Variants in EMC1 observed in about 807,000 individuals in gnomAD.
EMC1 encodes the protein ER membrane protein complex subunit 1, also known as KIAA0090.
EMC1 carries 103 observed loss-of-function variants against 128.8 expected under a neutral mutation model. That is an observed-to-expected ratio of 0.80 (90% CI 0.68 to 0.94). The LOEUF is 0.94. Among genes scored for constraint, EMC1 ranks in the 40% least tolerant of loss-of-function variants. EMC1 has a pLI of 0.00. For synonymous variants in EMC1, 442 were observed against 490.4 expected (o/e 0.90, Z 1.30); for missense variants, 1,083 against 1,250.6 (o/e 0.87, Z 2.02).
rs756490055 is a variant in EMC1 at position 19,230,956 on chromosome 1, G to A, written c.1952C>T (p.Ala651Val). 3 of 1,614,068 alleles carry A rather than the reference G, an allele frequency of 1.9e-6. No homozygotes were observed. Among genetic ancestry groups the A allele is most frequent in the Non-Finnish European group, 2.5e-6 (3 of 1,180,036 alleles). Reference sequence around the variant, plus strand: ...CAAGACATTCCGAGTGGCTGGAAAAGCTGTGACCTTGAAAAACCCAGAGAG... The same window carrying A: ...CAAGACATTCCGAGTGGCTGGAAAAACTGTGACCTTGAAAAACCCAGAGAG... The part of the protein sequence containing the change: ...LLIDDEYKVT[A>V]FPATRNVLRQ... Residue 651 changes from alanine (A) to valine (V), a missense_variant, in exon 17 of 23, where the codon GCT becomes GTT. Around this residue, in one of 3 missense-constraint regions of EMC1, gnomAD observed 527 missense variants for 644.1 expected, o/e 0.82. Coordinates refer to ENST00000477853, the MANE Select transcript of EMC1 (RefSeq NM_015047.3).
chr1:19,231,227 C>A, intron 16 of EMC1, 34 bp downstream of exon 16: 1 of 1,568,442 alleles, frequency 6.4e-7, no homozygotes. Flanking sequence ...CCGGACTCCG[C>A]TAGCATGTTC....
At chr1:19,236,720 C>T (rs1188563344) in intron 12 of EMC1, among the ~76,000 whole-genome samples, 5 of 149,948 alleles carry the variant, frequency 3.3e-5, no homozygotes, top group South Asian at 2.1e-4. Context: ...GTAATCCCAG[C>T]ACTTTGGGAG....
At position 19,219,602 on chromosome 1, in the gene EMC1, G is replaced by A. The variant is rs767904848; in HGVS notation, c.2769C>T (p.Tyr923=). The change falls in exon 22 of 23, where the codon TAC becomes TAT. Residue 923 remains tyrosine, a synonymous_variant. Transcript: ENST00000477853. ...NQTVSRMRGI[Y]TAPSGLESTC... is the part of the protein sequence containing the mutation. ...TGGACTCCAGACCCGAGGGAGCTGT[G>A]TAGATACCTCGCATTCGAGAAACTG... 8 of 1,614,094 alleles carry A rather than the reference G, an allele frequency of 5.0e-6. No individual in the cohort carries two copies. Among genetic ancestry groups the A allele is most frequent in the Non-Finnish European group, 6.8e-6 (8 of 1,179,986 alleles).
At chr1:19,241,514 T>C (rs920096489) in intron 5 of EMC1, among the ~76,000 whole-genome samples, 5 of 152,034 alleles carry the variant, frequency 3.3e-5, no homozygotes, top group Admixed American at 2.0e-4. Flanking sequence ...CATAGCATTT[T>C]CTTTGTTGTG....
chr1:19,229,788 T>C (rs1325545724), intron 17 of EMC1, among the ~76,000 whole-genome samples: 2 of 152,192 alleles, frequency 1.3e-5, no homozygotes, highest in Non-Finnish European at 2.9e-5. Context: ...TTATGTGATT[T>C]ATGTGTTGAA....
intron 9 of EMC1, 122 bp from the exon 10 acceptor site, chr1:19,238,979 T>G: frequency 1.2e-6 from 1 of 800,568 alleles, no homozygotes; most frequent in East Asian, 2.4e-5. Context: ...TTCTCACCCC[T>G]GCCCACAAAG....
chr1:19,237,161 T>A lies in EMC1; in HGVS notation c.1290A>T (p.Leu430=). 6.2e-7 allele frequency: 1 copy of A among 1,613,642 alleles called. No homozygotes were observed. The change falls in exon 12 of 23, where the codon CTA becomes CTT. Residue 430 remains leucine (L), a synonymous_variant. Coordinates refer to ENST00000477853, the MANE Select transcript of EMC1 (RefSeq NM_015047.3). The stretch of plus-strand genomic sequence containing the variant: ...ACTTACCCAACTGCTGCAGGAAAAG[T>A]AGCAGATGATCCTCTGTCTGCACCA... ...RALVQTEDHL[L]LFLQQLAGKV...
intron 1 of EMC1, among the ~76,000 whole-genome samples, chr1:19,245,887 A>C (rs948287304): frequency 4.0e-5 from 6 of 151,600 alleles, no homozygotes; most frequent in African/African-American, 1.5e-4. Flanking sequence ...TCGGCCTTCC[A>C]AAGTGTTGGG....
intron 13 of EMC1, among the ~76,000 whole-genome samples, chr1:19,233,785 A>C (rs1331383294): frequency 1.3e-5 from 2 of 152,180 alleles, no homozygotes; most frequent in Admixed American, 1.3e-4. Flanking sequence ...CCAGATTAAG[A>C]TCCCAGCTTC....
rs139791356 is a variant in EMC1, at chr1:19,219,280, C to T, written c.*23G>A. ...TGACCCACACTCCCCTGGCTCTCCA[C>T]TTTTAGGCACAGTCTTTGTTCTTTA... On this transcript the variant is annotated 3_prime_UTR_variant, in exon 23 of 23. Transcript: ENST00000477853. 5.8e-4 allele frequency: 934 copies of T among 1,613,640 alleles called. 3 individuals carry two copies. The highest frequency in any genetic ancestry group is 4.6e-4 in the Non-Finnish European group (537 of 1,179,810).
chr1:19,239,114 C>T, intron 9 of EMC1, 117 bp downstream of exon 9: 1 of 955,186 alleles, frequency 1.0e-6, no homozygotes, highest in Non-Finnish European at 1.7e-6. Context: ...TCAACAGCCT[C>T]CTGCCCGCTG....
chr1:19,244,729 A>C (rs185885832), intron 2 of EMC1, 177 bp downstream of exon 2: 1 of 634,204 alleles, frequency 1.6e-6, no homozygotes, highest in Non-Finnish European at 2.7e-6. Context: ...GGTCAGTTAT[A>C]GGAACATACA....
intron 12 of EMC1, among the ~76,000 whole-genome samples, chr1:19,235,583 T>C (rs951518420): frequency 5.9e-5 from 9 of 152,024 alleles, no homozygotes; most frequent in Middle Eastern, 6.8e-3. Context: ...CGCCTGTAGT[T>C]CCAGCTACTC....
rs2093409177 is a variant in EMC1, at chr1:19,218,650, G to A, written c.*653C>T. On this transcript the variant is annotated 3_prime_UTR_variant, in exon 23 of 23. Coordinates refer to ENST00000477853, the MANE Select transcript of EMC1 (RefSeq NM_015047.3). ...TTGGCTTCTGATAAATTGAAACAAA[G>A]ATTTGGTGGCCCAGCCTAATAAATG... is the stretch of plus-strand genomic sequence containing the variant. 6.6e-6 allele frequency: 1 copy of A among 152,150 alleles called. No individual in the cohort carries two copies. The highest frequency in any genetic ancestry group is 2.4e-5 in the African/African-American group (1 of 41,406). 9.4% of individuals were successfully genotyped at this position (152,150 alleles called of 1,614,324 possible). A position where few individuals can be genotyped will look rare whatever the true frequency, so the allele number is the denominator to read the frequency against.
chr1:19,239,325 G>A, intron 8 of EMC1, 23 bp from the exon 9 acceptor site: 1 of 1,609,178 alleles, frequency 6.2e-7, no homozygotes, highest in South Asian at 1.1e-5. Flanking sequence ...CAAGGCATCA[G>A]CTCCTAAATG....
chr1:19,239,444 A>G, intron 8 of EMC1, 142 bp from the exon 9 acceptor site: 1 of 695,072 alleles, frequency 1.4e-6, no homozygotes, highest in South Asian at 1.8e-5. Flanking sequence ...CAGGCATTTA[A>G]GAGCAGAGGG....
At position 19,223,671 on chromosome 1, in the gene EMC1, A is replaced by G. The variant is rs557615945; in HGVS notation, c.2203-102T>C. The G allele has an allele frequency of 1.3e-5, 14 of 1,086,316 alleles. No homozygotes were observed. The South Asian group carries it at 2.0e-4, about 15-fold the overall frequency. The allele number at this position is 1,086,316 out of a possible 1,614,324, so 67.3% of individuals were successfully genotyped here. On this transcript the variant is annotated intron_variant, in intron 18 of 22. Coordinates refer to ENST00000477853, the MANE Select transcript of EMC1 (RefSeq NM_015047.3). ...CTGGAGCTCTCCAGCCTGGCAGAGG[A>G]ATCAGGGTTTCTGGTGAAAAGAGCT...
intron 15 of EMC1, 29 bp downstream of exon 15, chr1:19,232,595 C>CAGAGCTCAG: frequency 6.2e-7 from 1 of 1,613,188 alleles, no homozygotes; most frequent in Non-Finnish European, 8.5e-7. Flanking sequence ...CACACTGAGT[C>CAGAGCTCAG]TGGCTCAAGT....
intron 20 of EMC1, 170 bp from the exon 21 acceptor site, chr1:19,221,018 T>C (rs2093427290): frequency 4.1e-6 from 2 of 486,772 alleles, no homozygotes; most frequent in Admixed American, 3.7e-5. Flanking sequence ...TGGGTCTGAA[T>C]GAAGGTTCTC....
Sources: allele counts gnomAD v4.1 joint callset (sites outside exome capture counted in the v4.1 genomes callset), GRCh38; gene constraint gnomAD v4.1.1; regional missense constraint gnomAD v4.1.1; transcripts MANE v1.5; gene names NCBI Gene and HGNC (gene_info 2026-07-23, HGNC 2026-07-21).